Variants in RBFOX2 observed in about 807,000 individuals in gnomAD.
The protein encoded by RBFOX2 is RNA binding protein fox-1 homolog 2.
In RBFOX2, 10 loss-of-function variants were observed where a neutral mutation model predicts 49.1. That is an observed-to-expected ratio of 0.20 (90% CI 0.13 to 0.35). The LOEUF is 0.35. RBFOX2 is among the 10% of genes least tolerant of loss of function. RBFOX2 has a pLI of 1.00. For missense variants in RBFOX2, 323 were observed against 486.9 expected (o/e 0.66, Z 3.17); for synonymous variants, 183 against 187.4 (o/e 0.98, Z 0.19).
At chr22:35,744,784 C>T (rs1247138874) in intron 11 of RBFOX2, among the ~76,000 whole-genome samples, 1 of 152,254 alleles carries the variant, frequency 6.6e-6, no homozygotes, top group Non-Finnish European at 1.5e-5. Flanking sequence ...CTACGAAGCA[C>T]ACCAACTAGG....
At chr22:36,007,984 T>C (rs2058680912) in intron 1 of RBFOX2, among the ~76,000 whole-genome samples, 1 of 152,360 alleles carries the variant, frequency 6.6e-6, no homozygotes, top group African/African-American at 2.4e-5. Flanking sequence ...CAAATAATGC[T>C]ATAATGTATA....
At chr22:35,744,137 G>C (rs1242461373) in exon 12 of RBFOX2, 2 of 1,399,204 alleles carry the variant, frequency 1.4e-6, no homozygotes, top group African/African-American at 2.9e-5. Context: ...TCCTCTACTA[G>C]TAAATATTGC....
chr22:35,987,469 A>T (rs1328086600), intron 1 of RBFOX2, among the ~76,000 whole-genome samples: 2 of 152,252 alleles, frequency 1.3e-5, no homozygotes, highest in East Asian at 3.8e-4. Context: ...ATCAAAAGCA[A>T]CTAACAACTT....
chr22:35,984,287 G>A (rs2150075494), intron 1 of RBFOX2, among the ~76,000 whole-genome samples: 2 of 152,292 alleles, frequency 1.3e-5, no homozygotes, highest in African/African-American at 4.8e-5. Flanking sequence ...ATGTTTAAAA[G>A]CTTCCCAGGT....
chr22:35,789,258 G>A lies in RBFOX2; in HGVS notation c.253-7512C>T, dbSNP rs377284997. ...ATTTTGGAATTGTGGATAAGAGACC[G>A]TAGGCCAGGTAGAGCGGCTCACACC... is the stretch of plus-strand genomic sequence containing the variant. On this transcript the variant is annotated intron_variant, in intron 2 of 11. Transcript: ENST00000405409. Among the ~76,000 whole-genome samples, 51 of 152,204 alleles carry A rather than the reference G, an allele frequency of 3.4e-4. No homozygotes were observed. The South Asian group carries it at 6.4e-3, about 19-fold the overall frequency.
At chr22:35,775,575 C>A (rs561553923) in intron 4 of RBFOX2, among the ~76,000 whole-genome samples, 4 of 152,148 alleles carry the variant, frequency 2.6e-5, no homozygotes, top group Admixed American at 1.3e-4. Flanking sequence ...TGCAGTGGCT[C>A]ACACCTGTAA....
intron 1 of RBFOX2, among the ~76,000 whole-genome samples, chr22:35,961,033 A>G (rs908127313): frequency 5.9e-5 from 9 of 152,158 alleles, no homozygotes; most frequent in Non-Finnish European, 1.2e-4. Context: ...ACAAACATGC[A>G]TATGTTCAGA....
chr22:35,881,757 G>A lies in RBFOX2; in HGVS notation c.-34+57090C>T, dbSNP rs576405963. On this transcript the variant is annotated intron_variant, in intron 1 of 13. Coordinates refer to the RBFOX2 transcript ENST00000359369. ...GGGTGGATCATGAGGTCAGGAGTTC[G>A]AGACCTGCCTGGCCAATATGGTGAA... Among the ~76,000 whole-genome samples the A allele has an allele frequency of 1.1e-4, 16 of 152,030 alleles. No homozygotes were observed. The South Asian group carries it at 2.3e-3, about 22-fold the overall frequency.
At chr22:35,851,291 A>G (rs2041905673) in intron 1 of RBFOX2, among the ~76,000 whole-genome samples, 2 of 152,226 alleles carry the variant, frequency 1.3e-5, no homozygotes, top group Non-Finnish European at 2.9e-5. Flanking sequence ...TTCTATGTGC[A>G]TTACACATGA....
chr22:35,783,420 C>G (rs1945644692), intron 2 of RBFOX2, among the ~76,000 whole-genome samples: 1 of 149,078 alleles, frequency 6.7e-6, no homozygotes, highest in Non-Finnish European at 1.5e-5. Flanking sequence ...AAAATAAAAA[C>G]TTTTTTTTGA....
At chr22:35,968,841 G>A (rs2056713288) in intron 1 of RBFOX2, among the ~76,000 whole-genome samples, 1 of 152,182 alleles carries the variant, frequency 6.6e-6, no homozygotes, top group South Asian at 2.1e-4. Flanking sequence ...ACATTGTAGG[G>A]AGTCTTCACA....
chr22:35,906,833 AC>A (rs1343949910), intron 1 of RBFOX2, among the ~76,000 whole-genome samples: 1 of 152,046 alleles, frequency 6.6e-6, no homozygotes, highest in Non-Finnish European at 1.5e-5. Context: ...AAACAAACAA[AC>A]AAAAAACCAA....
At chr22:35,892,091 G>A (rs1412696700) in intron 1 of RBFOX2, among the ~76,000 whole-genome samples, 1 of 152,196 alleles carries the variant, frequency 6.6e-6, no homozygotes, top group South Asian at 2.1e-4. Context: ...AAAGCAAAAA[G>A]TTGGCTTGTA....
At position 35,761,409 on chromosome 22, in the gene RBFOX2, T is replaced by C. The variant is rs1214180660; in HGVS notation, c.661+6A>G. 3 of 1,614,094 alleles carry C rather than the reference T, an allele frequency of 1.9e-6. No homozygotes were observed. Among genetic ancestry groups the C allele is most frequent in the Admixed American group, 1.7e-5 (1 of 60,030 alleles). On this transcript the variant is annotated splice_donor_region_variant and intron_variant, in intron 7 of 11. Coordinates refer to ENST00000405409, the Ensembl canonical transcript of RBFOX2. ...GCACAAGTGGAAACATTTACTTAAA[T>C]ACTACCTGCATATAACTCCGGACCA...
At chr22:36,024,208 T>C (rs1204959258) in intron 1 of RBFOX2, among the ~76,000 whole-genome samples, 1 of 152,204 alleles carries the variant, frequency 6.6e-6, no homozygotes. Flanking sequence ...TTAACAGGCA[T>C]TGAGCACTTA....
At chr22:35,948,492 G>A (rs867456820) in intron 1 of RBFOX2, among the ~76,000 whole-genome samples, 1 of 152,042 alleles carries the variant, frequency 6.6e-6, no homozygotes, top group Non-Finnish European at 1.5e-5. Context: ...AGACCAGCCT[G>A]GGCCAACATA....
At chr22:35,867,642 G>A (rs1240989634) in intron 1 of RBFOX2, among the ~76,000 whole-genome samples, 1 of 152,040 alleles carries the variant, frequency 6.6e-6, no homozygotes, top group Non-Finnish European at 1.5e-5. Context: ...TTAAAGAGAT[G>A]GGCCCTCTGT....
At chr22:36,007,148 C>T (rs1305178455) in intron 1 of RBFOX2, among the ~76,000 whole-genome samples, 3 of 152,164 alleles carry the variant, frequency 2.0e-5, no homozygotes, top group Non-Finnish European at 4.4e-5. Context: ...ATCTTGTATA[C>T]ACATTCACCA....
chr22:35,756,640 T>A (rs927189144), intron 9 of RBFOX2, among the ~76,000 whole-genome samples: 2 of 152,186 alleles, frequency 1.3e-5, no homozygotes, highest in African/African-American at 4.8e-5. Context: ...GTTTTTACAT[T>A]ACGTTTAAGT....
Sources: gnomAD v4.1 joint callset for allele counts (sites outside exome capture counted in the v4.1 genomes callset) on GRCh38, gnomAD v4.1.1 for gene constraint, MANE v1.5 for transcripts, NCBI Gene and HGNC (gene_info 2026-07-23, HGNC 2026-07-21) for gene names.